Variants in HECTD4 observed in about 807,000 individuals in gnomAD.
HECTD4 encodes probable E3 ubiquitin-protein ligase HECTD4.
A neutral mutation model predicts 471.5 loss-of-function variants in HECTD4; 114 were observed. That is an observed-to-expected ratio of 0.24 (90% CI 0.21 to 0.28). The LOEUF (loss-of-function observed/expected upper bound fraction) is 0.28, where lower values mean the gene tolerates loss of function less well. HECTD4 is among the 10% of genes least tolerant of loss of function. HECTD4 has a pLI of 1.00. For synonymous variants in HECTD4, 2,012 were observed against 2,256.0 expected (o/e 0.89, Z 3.07); for missense variants, 3,866 against 5,651.5 (o/e 0.68, Z 10.13).
chr12:112,219,440 G>C lies in HECTD4; in HGVS notation c.7020C>G (p.Leu2340=). Residue 2340 remains leucine (L), a synonymous_variant, in exon 45 of 76, where the codon CTC becomes CTG. Coordinates refer to ENST00000682272, the MANE Select transcript of HECTD4 (RefSeq NM_001388303.1). Reference sequence around the variant, plus strand: ...GTGGGGGCCGAGCACAGTCCCGGTAGAGCATCCTCAGCCGTTCACACTGTA... The same window carrying C: ...GTGGGGGCCGAGCACAGTCCCGGTACAGCATCCTCAGCCGTTCACACTGTA... ...VEVQCERLRM[L]YRDCARPPPP... 2 of 1,613,870 alleles carry C rather than the reference G, an allele frequency of 1.2e-6. No homozygotes were observed. The highest frequency in any genetic ancestry group is 1.7e-6 in the Non-Finnish European group (2 of 1,179,832).
Position 112,228,190 on chromosome 12 carries a change from A to C in HECTD4, c.6753T>G (p.Pro2251=). 1 of 1,613,986 alleles carries C rather than the reference A, an allele frequency of 6.2e-7. No individual in the cohort carries two copies. Residue 2251 remains proline, a synonymous_variant, in exon 43 of 76, where the codon CCT becomes CCG. Coordinates refer to ENST00000682272, the MANE Select transcript of HECTD4 (RefSeq NM_001388303.1). The surrounding 1 kb of genome is among the most constrained non-coding windows in gnomAD (Gnocchi z 4.9). ...VVQAVQSMLL[P]QEGSLSIHTS... Reference sequence around the variant, plus strand: ...TGTGAATAGAGAGACTTCCCTCCTGAGGAAGCAACATGGACTGGACTGCCT... The same window carrying C: ...TGTGAATAGAGAGACTTCCCTCCTGCGGAAGCAACATGGACTGGACTGCCT...
rs778414193 is a variant in HECTD4 at position 112,228,640 on chromosome 12, A to T, written c.6684+7T>A. On this transcript the variant is annotated splice_region_variant and intron_variant, in intron 42 of 75. Coordinates refer to ENST00000682272, the MANE Select transcript of HECTD4 (RefSeq NM_001388303.1). This position sits in a 1 kb window ranked among gnomAD's most constrained non-coding sequence, Gnocchi z 4.9. ...ACATTTTACAAAGCATTTAAAAATC[A>T]CCTTACCTCTGATCTTGGAACACAA... is the stretch of plus-strand genomic sequence containing the variant. 1 of 1,596,688 alleles carries T rather than the reference A, an allele frequency of 6.3e-7. No homozygotes were observed. Among genetic ancestry groups the T allele is most frequent in the East Asian group, 2.2e-5 (1 of 44,726 alleles).
At chr12:112,265,374 A>G (rs1262561810) in intron 15 of HECTD4, 79 bp from the exon 16 acceptor site, 17 of 928,602 alleles carry the variant, frequency 1.8e-5, no homozygotes, top group Non-Finnish European at 2.7e-5. Context: ...TAATTAGTAT[A>G]AGATGACAAA....
intron 60 of HECTD4, among the ~76,000 whole-genome samples, chr12:112,187,222 G>A (rs1811141227): frequency 1.3e-5 from 2 of 151,082 alleles, no homozygotes; most frequent in South Asian, 2.1e-4. Context: ...CAGGTGATCT[G>A]CCCACAGCCT....
chr12:112,312,313 T>C (rs981046342), intron 4 of HECTD4, among the ~76,000 whole-genome samples: 1 of 152,166 alleles, frequency 6.6e-6, no homozygotes. Context: ...ACAAACTGGT[T>C]TGGGAGCAAG....
At chr12:112,354,573 C>A (rs990094237) in intron 1 of HECTD4, among the ~76,000 whole-genome samples, 1 of 152,132 alleles carries the variant, frequency 6.6e-6, no homozygotes, top group Non-Finnish European at 1.5e-5. Flanking sequence ...GTAGTCCCAG[C>A]TGCTTGAGAG....
In HECTD4 at chr12:112,258,887, T is replaced by C. The variant is rs564873126; in HGVS notation, c.3027+225A>G. 6 of 577,544 alleles carry C rather than the reference T, an allele frequency of 1.0e-5. No individual in the cohort carries two copies. The East Asian group carries it at 1.5e-4, about 15-fold the overall frequency. 35.8% of individuals were successfully genotyped at this position (577,544 alleles called of 1,614,324 possible). On this transcript the variant is annotated intron_variant, in intron 19 of 75. Coordinates refer to ENST00000682272, the MANE Select transcript of HECTD4 (RefSeq NM_001388303.1). Reference sequence around the variant, plus strand: ...TAGCATTTTTATAGCTGATCAGCCATGAACACTTGCTAAAAGGTTGCAGTT... The same window carrying C: ...TAGCATTTTTATAGCTGATCAGCCACGAACACTTGCTAAAAGGTTGCAGTT...
chr12:112,190,979 C>A lies in HECTD4; in HGVS notation c.9293-14G>T. 2 of 1,542,060 alleles carry A rather than the reference C, an allele frequency of 1.3e-6. No homozygotes were observed. Among genetic ancestry groups the A allele is most frequent in the Non-Finnish European group, 8.8e-7 (1 of 1,141,726 alleles). ...GTGGAGACACCCCTGCAAGAAGCACCCAGGAAGAAAGCAGATGATTGGCAG... is the reference window on the plus strand; with the variant it reads ...GTGGAGACACCCCTGCAAGAAGCACACAGGAAGAAAGCAGATGATTGGCAG... On this transcript the variant is annotated splice_polypyrimidine_tract_variant and intron_variant, in intron 59 of 75. Coordinates refer to ENST00000682272, the MANE Select transcript of HECTD4 (RefSeq NM_001388303.1).
intron 8 of HECTD4, among the ~76,000 whole-genome samples, chr12:112,281,578 T>C (rs2034642212): frequency 6.6e-6 from 1 of 152,190 alleles, no homozygotes; most frequent in South Asian, 2.1e-4. Flanking sequence ...CTCTAGAAAG[T>C]ATCTTCTACA....
In HECTD4 at chr12:112,241,487, T is replaced by G. The variant is rs530573290; in HGVS notation, c.4959-1460A>C. 3.0e-4 allele frequency among the ~76,000 whole-genome samples: 45 copies of G among 152,258 alleles called. 1 individual carries two copies. Among genetic ancestry groups the G allele is most frequent in the African/African-American group, 1.1e-3 (44 of 41,568 alleles). On this transcript the variant is annotated intron_variant, in intron 32 of 75. Transcript: ENST00000682272. ...GTCTTCTTCATTTTTTGTGACAAGG[T>G]TTTGCTCTGTTGCCCAGGCTGAAGT...
chr12:112,214,435 C>A (rs1285820783), intron 48 of HECTD4, among the ~76,000 whole-genome samples: 1 of 152,190 alleles, frequency 6.6e-6, no homozygotes, highest in Non-Finnish European at 1.5e-5. Flanking sequence ...GCCACGGCAT[C>A]CCCAGGGGCC....
intron 9 of HECTD4, among the ~76,000 whole-genome samples, chr12:112,278,098 G>A (rs186769661): frequency 5.2e-4 from 79 of 152,200 alleles, no homozygotes; most frequent in African/African-American, 1.7e-3. Context: ...AAACGAAAAA[G>A]CAGTCATAAA....
chr12:112,227,972 G>C, intron 43 of HECTD4, 117 bp downstream of exon 43: 5 of 880,822 alleles, frequency 5.7e-6, no homozygotes, highest in Non-Finnish European at 8.5e-6. Context: ...GCTCAGTTTA[G>C]TGTGAGCTTC....
intron 1 of HECTD4, among the ~76,000 whole-genome samples, chr12:112,379,420 A>T (rs1291967810): frequency 6.6e-6 from 1 of 152,212 alleles, no homozygotes; most frequent in Admixed American, 6.5e-5. Flanking sequence ...TGTGCTGGGC[A>T]TGGTGGCTCA....
chr12:112,235,515 T>C lies in HECTD4; in HGVS notation c.5714A>G (p.Tyr1905Cys), dbSNP rs2033479339. 6.2e-7 allele frequency: 1 copy of C among 1,610,632 alleles called. No individual in the cohort carries two copies. The highest frequency in any genetic ancestry group is 1.3e-5 in the African/African-American group (1 of 74,788). Residue 1905 changes from tyrosine to cysteine, a missense_variant, in exon 36 of 76, where the codon TAT (tyrosine) becomes TGT (cysteine). Around this residue, in one of 16 missense-constraint regions of HECTD4, gnomAD observed 617 missense variants for 915.1 expected, o/e 0.67. Coordinates refer to ENST00000682272, the MANE Select transcript of HECTD4 (RefSeq NM_001388303.1). The surrounding 1 kb of genome is among the most constrained non-coding windows in gnomAD (Gnocchi z 5.0). ...GAGGAGCTTCTCACCTGGAACCACATAATCTGCCAGCTTTGCTAAGAGCAG... is the reference window on the plus strand; with the variant it reads ...GAGGAGCTTCTCACCTGGAACCACACAATCTGCCAGCTTTGCTAAGAGCAG... Reference protein sequence around the residue: ...ASLLLAKLADYVVPGCQTVLS... With the variant: ...ASLLLAKLADCVVPGCQTVLS...
At chr12:112,176,827 G>C in intron 64 of HECTD4, 125 bp from the exon 65 acceptor site, 1 of 751,266 alleles carries the variant, frequency 1.3e-6, no homozygotes, top group Non-Finnish European at 2.3e-6. Context: ...GCTCAGATAG[G>C]GCGGGGGCGT....
rs1477265186 is a variant in HECTD4 at position 112,193,864 on chromosome 12, G to A, written c.8750-190C>T. On this transcript the variant is annotated intron_variant, in intron 56 of 75. Transcript: ENST00000682272. The surrounding 1 kb of genome is among the most constrained non-coding windows in gnomAD (Gnocchi z 5.2). ...CAGGATGGTGGAGGGGGACCCAGGAGATCAATGGGCTTCATACTTTTGCTT... is the reference window on the plus strand; with the variant it reads ...CAGGATGGTGGAGGGGGACCCAGGAAATCAATGGGCTTCATACTTTTGCTT... Among the ~76,000 whole-genome samples, 1 of 152,194 alleles carries A rather than the reference G, an allele frequency of 6.6e-6. No homozygotes were observed. The highest frequency in any genetic ancestry group is 2.4e-5 in the African/African-American group (1 of 41,446).
chr12:112,266,686 C>T (rs1322236914), intron 14 of HECTD4, among the ~76,000 whole-genome samples: 1 of 152,152 alleles, frequency 6.6e-6, no homozygotes, highest in African/African-American at 2.4e-5. Flanking sequence ...TCTTGCTATG[C>T]TGGCCAGGCT....
intron 39 of HECTD4, chr12:112,231,122 G>A (rs900557797): frequency 2.5e-5 from 11 of 448,408 alleles, no homozygotes; most frequent in Admixed American, 3.8e-5. Flanking sequence ...AAAACACCTC[G>A]AACCAACTTC....
Sources: allele counts gnomAD v4.1 joint callset (sites outside exome capture counted in the v4.1 genomes callset), GRCh38; gene constraint gnomAD v4.1.1; regional missense constraint gnomAD v4.1.1; non-coding constraint Gnocchi (gnomAD v3.1); transcripts MANE v1.5; gene names NCBI Gene and HGNC (gene_info 2026-07-23, HGNC 2026-07-21).